The following TSHR variants were observed in gnomAD, a reference collection of about 807,000 sequenced individuals.
The protein encoded by TSHR is thyrotropin receptor.
Under a neutral mutation model 64.1 loss-of-function variants are expected in TSHR, and 51 were observed. The observed-to-expected ratio is 0.80, with a 90% confidence interval of 0.64 to 1.01. The LOEUF is 1.01. TSHR is among the 50% of genes least tolerant of loss of function. TSHR has a pLI of 0.00. For missense variants in TSHR, 877 were observed against 942.8 expected (o/e 0.93, Z 0.91); for synonymous variants, 361 against 361.9 (o/e 1.00, Z 0.03).
chr14:81,145,180 G>T lies in TSHR; in HGVS notation c.*827G>T, dbSNP rs1031927011. ...AATCCCCTGTTGATTAATAAAACAG[G>T]CTGGACACTAATTAACTATGGGACT... On this transcript the variant is annotated 3_prime_UTR_variant, in exon 10 of 10. Transcript: ENST00000298171. The T allele has an allele frequency of 4.3e-6, 1 of 232,976 alleles. No individual in the cohort carries two copies. 14.4% of individuals were successfully genotyped at this position (232,976 alleles called of 1,614,324 possible).
Position 81,111,305 on chromosome 14 carries a change from C to T in TSHR, c.692+2853C>T, listed in dbSNP as rs190326704. Among the ~76,000 whole-genome samples, 65 of 152,294 alleles carry T rather than the reference C, an allele frequency of 4.3e-4. 2 individuals are homozygous for T. The highest frequency in any genetic ancestry group is 1.5e-3 in the African/African-American group (62 of 41,554). On this transcript the variant is annotated intron_variant, in intron 8 of 9. Coordinates refer to ENST00000298171, the MANE Select transcript of TSHR (RefSeq NM_000369.5). ...AAGTAGCTGGCTTACATCCAGCATA[C>T]GCTTCTTATCCTTGGAATGGTAAGA...
At chr14:81,021,987 G>A (rs1246639900) in intron 1 of TSHR, among the ~76,000 whole-genome samples, 1 of 152,080 alleles carries the variant, frequency 6.6e-6, no homozygotes. Context: ...AATCGGCCGC[G>A]TGCGGTGGCT....
intron 7 of TSHR, among the ~76,000 whole-genome samples, chr14:81,097,807 CTT>C (rs1354343652): frequency 6.6e-6 from 1 of 152,170 alleles, no homozygotes; most frequent in Non-Finnish European, 1.5e-5. Flanking sequence ...AAGTCTCACT[CTT>C]TGCTGGCTTT....
At chr14:81,046,520 AC>A (rs1446747367) in intron 1 of TSHR, among the ~76,000 whole-genome samples, 118 of 152,058 alleles carry the variant, frequency 7.8e-4, no homozygotes, top group Middle Eastern at 3.4e-3. Context: ...TAAAAAAAAA[AC>A]AAAAAAATTG....
intron 1 of TSHR, among the ~76,000 whole-genome samples, chr14:81,019,098 T>C (rs1324587645): frequency 6.6e-6 from 1 of 152,164 alleles, no homozygotes; most frequent in Non-Finnish European, 1.5e-5. Context: ...ACCCCAGACA[T>C]ATGATAAATC....
chr14:80,963,599 G>A (rs1472387956), intron 1 of TSHR, among the ~76,000 whole-genome samples: 2 of 152,234 alleles, frequency 1.3e-5, no homozygotes, highest in East Asian at 1.9e-4. Context: ...ACAGATTGGA[G>A]GACAAAAGGA....
At chr14:81,001,355 G>C in intron 1 of TSHR, 1 of 330,670 alleles carries the variant, frequency 3.0e-6, no homozygotes, top group East Asian at 7.7e-5. Flanking sequence ...TTTCAGTAAG[G>C]ATCATCTTGA....
In TSHR at chr14:81,139,870, A is replaced by G. The variant is rs186091357; in HGVS notation, c.881+3A>G. On this transcript the variant is annotated splice_donor_region_variant and intron_variant, in intron 9 of 9. Coordinates refer to ENST00000298171, the MANE Select transcript of TSHR (RefSeq NM_000369.5). Reference sequence around the variant, plus strand: ...AAGAATCAGAAGAAAATCAGAGGGTAAGTGGCAGGGACCCGGCATAAGTGA... The same window carrying G: ...AAGAATCAGAAGAAAATCAGAGGGTGAGTGGCAGGGACCCGGCATAAGTGA... The G allele has an allele frequency of 4.9e-3, 7,899 of 1,614,180 alleles. 65 individuals are homozygous for G. Among genetic ancestry groups the G allele is most frequent in the Middle Eastern group, 0.025 (154 of 6,062 alleles).
intron 1 of TSHR, among the ~76,000 whole-genome samples, chr14:80,990,128 G>T (rs1050613879): frequency 6.6e-6 from 1 of 152,224 alleles, no homozygotes; most frequent in Admixed American, 6.5e-5. Context: ...TTTAGCCAGA[G>T]TTCCCTGGAA....
intron 1 of TSHR, among the ~76,000 whole-genome samples, chr14:81,047,829 G>A (rs568125171): frequency 6.8e-4 from 104 of 152,060 alleles, no homozygotes; most frequent in African/African-American, 2.3e-3. Context: ...CGTATTTTTA[G>A]TTGAGACCGG....
At chr14:81,035,600 A>T (rs72689919) in intron 1 of TSHR, among the ~76,000 whole-genome samples, 37,112 of 152,030 alleles carry the variant, frequency 0.24, 4,635 homozygotes, top group South Asian at 0.33. Flanking sequence ...TTCACAGGGG[A>T]ATAAATATTA....
chr14:81,029,680 T>G (rs1283378306), intron 1 of TSHR, among the ~76,000 whole-genome samples: 1 of 152,206 alleles, frequency 6.6e-6, no homozygotes, highest in African/African-American at 2.4e-5. Flanking sequence ...TGGGAAACTG[T>G]TCTTCAGACC....
At position 81,103,614 on chromosome 14, in the gene TSHR, C is replaced by T. The variant is rs1889718292; in HGVS notation, c.615-4761C>T. ...TGGCAGATGTGTAAAAGCACATTGT[C>T]CTATGACTTCCTATGGCGCCAAGAA... On this transcript the variant is annotated intron_variant, in intron 7 of 9. Coordinates refer to ENST00000298171, the MANE Select transcript of TSHR (RefSeq NM_000369.5). This position sits in a 1 kb window ranked among gnomAD's most constrained non-coding sequence, Gnocchi z 4.1. 1.0e-6 allele frequency: 1 copy of T among 985,298 alleles called. No homozygotes were observed. Among genetic ancestry groups the T allele is most frequent in the African/African-American group, 1.7e-5 (1 of 57,226 alleles). The allele number at this position is 985,298 out of a possible 1,614,324, so 61.0% of individuals were successfully genotyped here. A position where few individuals can be genotyped will look rare whatever the true frequency, so the allele number is the denominator to read the frequency against.
intron 1 of TSHR, among the ~76,000 whole-genome samples, chr14:80,984,033 C>A (rs912216510): frequency 6.6e-6 from 1 of 151,896 alleles, no homozygotes; most frequent in Non-Finnish European, 1.5e-5. Context: ...TACACACACA[C>A]AAAGATAACT....
At chr14:80,978,504 TG>T (rs1159046338) in intron 1 of TSHR, among the ~76,000 whole-genome samples, 1 of 152,222 alleles carries the variant, frequency 6.6e-6, no homozygotes, top group Non-Finnish European at 1.5e-5. Flanking sequence ...GACAAAATCT[TG>T]GCCAAACCAA....
chr14:80,980,299 C>T (rs1888103108), intron 1 of TSHR, among the ~76,000 whole-genome samples: 1 of 152,122 alleles, frequency 6.6e-6, no homozygotes, highest in Non-Finnish European at 1.5e-5. Flanking sequence ...AAAATAGCAA[C>T]ACAGATAACT....
In TSHR at chr14:81,073,004, AAAAAAAATAAAAAATAAATATAT is replaced by A. The variant is rs1218109897; in HGVS notation, c.317+4678_317+4700del. Among the ~76,000 whole-genome samples the A allele has an allele frequency of 2.9e-5, 2 of 69,126 alleles. 1 individual carries two copies. Among genetic ancestry groups the A allele is most frequent in the Non-Finnish European group, 5.4e-5 (2 of 37,162 alleles). The allele number at this position is 69,126 out of a possible 152,430, so 45.3% of individuals were successfully genotyped here. A position where few individuals can be genotyped will look rare whatever the true frequency, so the allele number is the denominator to read the frequency against. Reference sequence around the variant, plus strand: ...AGAGCGAGACTCCGTCTCAAAAAAAAAAAAAAATAAAAAATAAATATATATATATATATATATATATATATAAA... The same window carrying A: ...AGAGCGAGACTCCGTCTCAAAAAAAAATATATATATATATATATATATAAA... On this transcript the variant is annotated intron_variant, in intron 3 of 9. Coordinates refer to ENST00000298171, the MANE Select transcript of TSHR (RefSeq NM_000369.5).
At chr14:80,980,925 C>T (rs1488760400) in intron 1 of TSHR, among the ~76,000 whole-genome samples, 3 of 152,066 alleles carry the variant, frequency 2.0e-5, no homozygotes, top group Non-Finnish European at 4.4e-5. Flanking sequence ...GTTGTCTGTT[C>T]TGTTTCATAT....
chr14:80,995,808 CT>C (rs1305866500), intron 1 of TSHR: 1 of 148,436 alleles, frequency 6.7e-6, no homozygotes, highest in African/African-American at 2.5e-5. Context: ...CAAACCTGCA[CT>C]TGTACCCCTG....
Sources: allele counts gnomAD v4.1 joint callset (sites outside exome capture counted in the v4.1 genomes callset), GRCh38; gene constraint gnomAD v4.1.1; non-coding constraint Gnocchi (gnomAD v3.1); transcripts MANE v1.5; gene names NCBI Gene and HGNC (gene_info 2026-07-23, HGNC 2026-07-21).